The following NEIL1 variants were observed in gnomAD, a reference collection of about 807,000 sequenced individuals.
NEIL1 encodes the protein nei like DNA glycosylase 1.
A neutral mutation model predicts 44.2 loss-of-function variants in NEIL1; 31 were observed. That is an observed-to-expected ratio of 0.70 (90% CI 0.53 to 0.95). The LOEUF (loss-of-function observed/expected upper bound fraction) is 0.95, where lower values mean the gene tolerates loss of function less well. Among genes scored for constraint, NEIL1 ranks in the 40% least tolerant of loss-of-function variants. The pLI is 0.00. For missense variants in NEIL1, 549 were observed against 515.5 expected, an observed-to-expected ratio of 1.07 and a Z score of -0.63; for synonymous variants, 254 against 209.7, an observed-to-expected ratio of 1.21 and a Z score of -1.83.
intron 1 of NEIL1, chr15:75,348,248 G>GC: frequency 2.3e-6 from 2 of 888,798 alleles, no homozygotes; most frequent in Non-Finnish European, 2.7e-6. Context: ...CGTGGGGCAG[G>GC]CCCGGTTCTC....
intron 5 of NEIL1, 161 bp downstream of exon 5, chr15:75,352,862 G>A (rs914426395): frequency 5.1e-5 from 33 of 641,742 alleles, no homozygotes; most frequent in Non-Finnish European, 7.7e-5. Context: ...TTTCCAGGCT[G>A]GGCGCAGTGG....
rs770245398 is a variant in NEIL1, at chr15:75,354,826, T to G, written c.1102+8T>G. 1.2e-6 allele frequency: 2 copies of G among 1,613,854 alleles called. No individual in the cohort carries two copies. Among genetic ancestry groups the G allele is most frequent in the Non-Finnish European group, 8.5e-7 (1 of 1,179,986 alleles). ...GGCGACAGGCAGCCTCTGGTGGGCT[T>G]TCCTCATCACTCCCAGAAACTGGCT... is the stretch of plus-strand genomic sequence containing the variant. On this transcript the variant is annotated splice_region_variant and intron_variant, in intron 9 of 9. Transcript: ENST00000355059.
chr15:75,347,686 C>T, intron 1 of NEIL1: 1 of 451,174 alleles, frequency 2.2e-6, no homozygotes, highest in Non-Finnish European at 3.0e-6. Context: ...CGTGCAGGAT[C>T]GGGTTGTGGG....
At chr15:75,350,929 C>A (rs1216550298) in intron 2 of NEIL1, among the ~76,000 whole-genome samples, 4 of 152,196 alleles carry the variant, frequency 2.6e-5, no homozygotes. Context: ...CCACTCATCA[C>A]ACCCATTAGT....
At chr15:75,354,908 G>A (rs2072234356) in intron 9 of NEIL1, 56 bp from the exon 10 acceptor site, 2 of 1,611,672 alleles carry the variant, frequency 1.2e-6, no homozygotes, top group South Asian at 1.1e-5. Flanking sequence ...TGGGAGAAAG[G>A]CTGCCATGGC....
rs1220341287 is a variant in NEIL1, at chr15:75,355,870, A to T, written c.*836A>T. On this transcript the variant is annotated 3_prime_UTR_variant, in exon 10 of 10. Coordinates refer to ENST00000355059, the MANE Select transcript of NEIL1 (RefSeq NM_024608.4). Reference sequence around the variant, plus strand: ...GGGGAAGCAGAAATTAGGAGTCCCCAGAGCCTTCTACAAACAAAACCCCAG... The same window carrying T: ...GGGGAAGCAGAAATTAGGAGTCCCCTGAGCCTTCTACAAACAAAACCCCAG... 2 of 1,613,476 alleles carry T rather than the reference A, an allele frequency of 1.2e-6. No homozygotes were observed. Among genetic ancestry groups the T allele is most frequent in the South Asian group, 1.1e-5 (1 of 90,986 alleles).
intron 1 of NEIL1, chr15:75,348,645 C>A: frequency 7.2e-7 from 1 of 1,383,660 alleles, no homozygotes; most frequent in Non-Finnish European, 9.4e-7. Context: ...TGGAAGGAAG[C>A]GGTTAGCAGC....
rs778465964 is a variant in NEIL1, at chr15:75,356,019, C to G, written c.*985C>G. The stretch of plus-strand genomic sequence containing the variant: ...AAGTGGCCAGCAGGGTCTGGTCGCT[C>G]CAAGAGATCGCAGCTGGAGAACAGG... On this transcript the variant is annotated 3_prime_UTR_variant, in exon 10 of 10. Transcript: ENST00000355059. This position sits in a 1 kb window ranked among gnomAD's most constrained non-coding sequence, Gnocchi z 5.8. 3.1e-6 allele frequency: 5 copies of G among 1,613,976 alleles called. No individual in the cohort carries two copies. Among genetic ancestry groups the G allele is most frequent in the Non-Finnish European group, 2.5e-6 (3 of 1,179,938 alleles).
chr15:75,348,277 A>T, intron 1 of NEIL1: 2 of 967,716 alleles, frequency 2.1e-6, no homozygotes, highest in Non-Finnish European at 2.5e-6. Flanking sequence ...CAAGCGGCCG[A>T]TTCGGCCGCT....
rs1466549457 is a variant in NEIL1, at chr15:75,348,923, G to A, written c.18G>A (p.Glu6=). Residue 6 remains glutamate (E), a synonymous_variant, in exon 2 of 10, where the codon GAG becomes GAA. Coordinates refer to ENST00000355059, the MANE Select transcript of NEIL1 (RefSeq NM_024608.4). ...CCCTCAGGATGCCTGAGGGCCCCGA[G>A]CTGCACCTGGCCAGCCAGTTTGTGA... MPEGP[E]LHLASQFVNE... 2 of 1,612,216 alleles carry A rather than the reference G, an allele frequency of 1.2e-6. No homozygotes were observed. Among genetic ancestry groups the A allele is most frequent in the South Asian group, 1.1e-5 (1 of 91,062 alleles).
In NEIL1 at chr15:75,356,071, G is replaced by A. The variant is rs370700941; in HGVS notation, c.*1037G>A. 7.4e-6 allele frequency: 12 copies of A among 1,613,358 alleles called. No individual in the cohort carries two copies. The highest frequency in any genetic ancestry group is 1.0e-5 in the Non-Finnish European group (12 of 1,179,754). On this transcript the variant is annotated 3_prime_UTR_variant, in exon 10 of 10. Coordinates refer to ENST00000355059, the MANE Select transcript of NEIL1 (RefSeq NM_024608.4). The surrounding 1 kb of genome is among the most constrained non-coding windows in gnomAD (Gnocchi z 5.8). ...GGGGCCATGAAGGCTCTGCGAGGGC[G>A]AGACTCGACCCCCGCCCCAATCCCA...
intron 7 of NEIL1, 30 bp downstream of exon 7, chr15:75,354,307 A>G (rs1281138751): frequency 1.2e-6 from 2 of 1,613,828 alleles, no homozygotes; most frequent in African/African-American, 2.7e-5. Flanking sequence ...ATAGGCTAAG[A>G]GAGCAGAAAG....
chr15:75,347,973 C>G (rs2141306838), intron 1 of NEIL1: 1 of 1,244,886 alleles, frequency 8.0e-7, no homozygotes, highest in South Asian at 1.3e-5. Flanking sequence ...ACCTTCGCCT[C>G]CGATTCCGAA....
chr15:75,349,872 G>A (rs2071746689), intron 2 of NEIL1, among the ~76,000 whole-genome samples: 1 of 152,212 alleles, frequency 6.6e-6, no homozygotes, highest in Non-Finnish European at 1.5e-5. Flanking sequence ...AGAGGAGGAT[G>A]GGTAGGTACT....
intron 1 of NEIL1, chr15:75,347,740 C>T: frequency 1.0e-6 from 1 of 1,000,330 alleles, no homozygotes; most frequent in South Asian, 2.2e-5. Flanking sequence ...TTGGGGGGCC[C>T]TGAGGAGGAG....
At position 75,349,246 on chromosome 15, in the gene NEIL1, T is replaced by C. The variant is rs1379040857; in HGVS notation, c.341T>C (p.Phe114Ser). The change falls in exon 2 of 10, where the codon TTC (phenylalanine) becomes TCC (serine). Residue 114 changes from phenylalanine to serine, a missense_variant. Physicochemically the swap from Phe to Ser is radical, Grantham distance 155 (BLOSUM62 -2). Transcript: ENST00000355059. ...CCTGGCCCCCGGCTCGCCCTATGTT[T>C]CGTGGACATCCGCCGGTTCGGCCGC... ...APPGPRLALC[F>S]VDIRRFGRWD... The C allele has an allele frequency of 1.2e-6, 2 of 1,611,054 alleles. No homozygotes were observed. The highest frequency in any genetic ancestry group is 1.3e-5 in the African/African-American group (1 of 74,942).
Position 75,352,250 on chromosome 15 carries a change from C to T in NEIL1, c.554+20C>T, listed in dbSNP as rs2071963868. On this transcript the variant is annotated intron_variant, in intron 3 of 9. Coordinates refer to ENST00000355059, the MANE Select transcript of NEIL1 (RefSeq NM_024608.4). Reference sequence around the variant, plus strand: ...GTACCGGTCAGCAAGCAGGCATGGGCATGGGGACTGCGGTGGGCCAGGTGT... The same window carrying T: ...GTACCGGTCAGCAAGCAGGCATGGGTATGGGGACTGCGGTGGGCCAGGTGT... 1 of 1,614,110 alleles carries T rather than the reference C, an allele frequency of 6.2e-7. No homozygotes were observed. Among genetic ancestry groups the T allele is most frequent in the Non-Finnish European group, 8.5e-7 (1 of 1,180,036 alleles).
rs937531721 is a variant in NEIL1, at chr15:75,356,277, T to C, written c.*1243T>C. 1.6e-5 allele frequency: 26 copies of C among 1,611,504 alleles called. No homozygotes were observed. The highest frequency in any genetic ancestry group is 2.1e-5 in the Non-Finnish European group (25 of 1,179,136). On this transcript the variant is annotated 3_prime_UTR_variant, in exon 10 of 10. Transcript: ENST00000355059. This position sits in a 1 kb window ranked among gnomAD's most constrained non-coding sequence, Gnocchi z 5.8. ...AGGGCAGGCCCAGTTCGGAACCCCG[T>C]CCCCAGCACGTCCCACCCCTTGCCT...
At position 75,354,463 on chromosome 15, in the gene NEIL1, A is replaced by T; in HGVS notation, c.907A>T (p.Thr303Ser). The change falls in exon 8 of 10, where the codon ACA becomes TCA. Residue 303 changes from threonine to serine, a missense_variant. Physicochemically the swap from Thr to Ser is moderately conservative, Grantham distance 58. Coordinates refer to ENST00000355059, the MANE Select transcript of NEIL1 (RefSeq NM_024608.4). ...GTCCCGCAAAAAGAAATCCAAGGCC[A>T]CACAGCTGAGTCCTGAGGACAGAGT... is the stretch of plus-strand genomic sequence containing the variant. The part of the protein sequence containing the change: ...RKSRKKKSKA[T>S]QLSPEDRVED... The T allele has an allele frequency of 6.2e-7, 1 of 1,614,204 alleles. No individual in the cohort carries two copies. Among genetic ancestry groups the T allele is most frequent in the Non-Finnish European group, 8.5e-7 (1 of 1,180,026 alleles).
Sources: gnomAD v4.1 joint callset for allele counts (sites outside exome capture counted in the v4.1 genomes callset) on GRCh38, gnomAD v4.1.1 for gene constraint, Gnocchi (gnomAD v3.1) non-coding constraint, MANE v1.5 for transcripts, NCBI Gene and HGNC (gene_info 2026-07-23, HGNC 2026-07-21) for gene names.